Variants in CDH4 observed in about 807,000 individuals in gnomAD.
The protein encoded by CDH4 is cadherin-4.
A neutral mutation model predicts 86.0 loss-of-function variants in CDH4; 33 were observed. The observed-to-expected ratio is 0.38, with a 90% CI of 0.29 to 0.51. The LOEUF is 0.51. Ranked by LOEUF, CDH4 falls within the 20% of genes least tolerant of loss-of-function variation. The probability of loss-of-function intolerance (pLI) is 0.86; values close to 1 mark genes in which losing one functional copy is unlikely to be tolerated. For missense variants in CDH4, 1,114 were observed against 1,307.4 expected (o/e 0.85, Z 2.28); for synonymous variants, 555 against 549.4 (o/e 1.01, Z -0.14).
chr20:61,568,634 T>C (rs185938045), intron 2 of CDH4, among the ~76,000 whole-genome samples: 1 of 152,338 alleles, frequency 6.6e-6, no homozygotes, highest in East Asian at 1.9e-4. Context: ...TATGCTCCAG[T>C]CTTGGCGCCT....
At chr20:61,844,294 C>G (rs538533762) in intron 4 of CDH4, among the ~76,000 whole-genome samples, 4 of 152,194 alleles carry the variant, frequency 2.6e-5, no homozygotes, top group African/African-American at 9.6e-5. Context: ...AGTCTTTTCT[C>G]TCACTGTGGA....
At chr20:61,915,516 C>T (rs2054895050) in intron 9 of CDH4, among the ~76,000 whole-genome samples, 1 of 152,214 alleles carries the variant, frequency 6.6e-6, no homozygotes, top group Non-Finnish European at 1.5e-5. Flanking sequence ...CCCATGATGC[C>T]TCTCCCCAGC....
intron 2 of CDH4, among the ~76,000 whole-genome samples, chr20:61,583,769 T>C (rs2086449776): frequency 6.6e-6 from 1 of 152,252 alleles, no homozygotes; most frequent in African/African-American, 2.4e-5. Context: ...CCTGCCCACA[T>C]GTGTCTGCAC....
intron 3 of CDH4, among the ~76,000 whole-genome samples, chr20:61,765,710 G>A (rs2088690361): frequency 2.0e-5 from 3 of 152,136 alleles, no homozygotes; most frequent in Admixed American, 6.5e-5. Context: ...CAAGACCGGG[G>A]CCAGGAGTCA....
At chr20:61,363,253 CATTTGCTCAACAAAT>C (rs1183843967) in intron 2 of CDH4, among the ~76,000 whole-genome samples, 42 of 152,182 alleles carry the variant, frequency 2.8e-4, no homozygotes, top group Admixed American at 7.2e-4. Context: ...TTCATTTATC[CATTTGCTCAACAAAT>C]ATTTGCTCAA....
At chr20:61,882,064 G>T (rs997745296) in intron 7 of CDH4, among the ~76,000 whole-genome samples, 2 of 152,210 alleles carry the variant, frequency 1.3e-5, no homozygotes, top group African/African-American at 2.4e-5. Flanking sequence ...GCCCCTGGAT[G>T]GAGCCGGACC....
At chr20:61,732,370 G>A (rs982580200) in intron 2 of CDH4, among the ~76,000 whole-genome samples, 14 of 152,074 alleles carry the variant, frequency 9.2e-5, no homozygotes, top group Admixed American at 3.3e-4. Flanking sequence ...AGGTGACCGC[G>A]TGCCTTGGAA....
intron 2 of CDH4, among the ~76,000 whole-genome samples, chr20:61,316,061 G>A (rs2084474736): frequency 6.6e-6 from 1 of 152,128 alleles, no homozygotes. Context: ...GGAAGGATTT[G>A]GCAGCTTCCC....
intron 2 of CDH4, among the ~76,000 whole-genome samples, chr20:61,629,152 A>G (rs2086859405): frequency 6.6e-6 from 1 of 152,198 alleles, no homozygotes; most frequent in Non-Finnish European, 1.5e-5. Context: ...GAGAGCAGAG[A>G]GGGGCTGGGA....
chr20:61,475,856 A>G (rs1381976536), intron 2 of CDH4, among the ~76,000 whole-genome samples: 1 of 151,792 alleles, frequency 6.6e-6, no homozygotes, highest in African/African-American at 2.4e-5. Context: ...GTGTGTTTTT[A>G]TACTAATTCT....
chr20:61,569,597 A>G (rs1016257010), intron 2 of CDH4, among the ~76,000 whole-genome samples: 2 of 152,214 alleles, frequency 1.3e-5, no homozygotes, highest in African/African-American at 4.8e-5. Context: ...TTTAACTACA[A>G]TGCAATTACT....
chr20:61,338,182 A>C (rs1295937494), intron 2 of CDH4, among the ~76,000 whole-genome samples: 1 of 152,192 alleles, frequency 6.6e-6, no homozygotes. Flanking sequence ...TAGACAATGC[A>C]TAGCTTCATT....
chr20:61,629,727 C>G (rs745537012), intron 2 of CDH4, among the ~76,000 whole-genome samples: 5 of 152,186 alleles, frequency 3.3e-5, no homozygotes, highest in Admixed American at 6.5e-5. Flanking sequence ...CTGCCCTGTC[C>G]CTGCCAAAAA....
At chr20:61,273,444 T>G (rs2123143531) in intron 2 of CDH4, among the ~76,000 whole-genome samples, 1 of 64,974 alleles carries the variant, frequency 1.5e-5, no homozygotes, top group Non-Finnish European at 2.9e-5. Context: ...GAGGACCATG[T>G]GCAGTTTGGG....
At chr20:61,648,041 G>A (rs538007714) in intron 2 of CDH4, among the ~76,000 whole-genome samples, 2 of 152,294 alleles carry the variant, frequency 1.3e-5, no homozygotes, top group East Asian at 3.9e-4. Context: ...CCAATTAGGG[G>A]CACGACTCAC....
intron 2 of CDH4, among the ~76,000 whole-genome samples, chr20:61,622,168 G>A (rs967170990): frequency 6.6e-5 from 10 of 152,350 alleles, no homozygotes; most frequent in Admixed American, 3.9e-4. Flanking sequence ...GATGCTCCAC[G>A]TCTGTAACTG....
chr20:61,588,009 G>A (rs1179383960), intron 2 of CDH4, among the ~76,000 whole-genome samples: 2 of 152,100 alleles, frequency 1.3e-5, no homozygotes, highest in Admixed American at 6.5e-5. Flanking sequence ...TTTGTTTTCC[G>A]TGGCATTTTA....
At chr20:61,576,895 G>T (rs1179386693) in intron 2 of CDH4, among the ~76,000 whole-genome samples, 1 of 152,156 alleles carries the variant, frequency 6.6e-6, no homozygotes, top group East Asian at 1.9e-4. Context: ...GGGACTCTAG[G>T]GTCTTGGGAG....
rs1444380097 is a variant in CDH4, at chr20:61,383,337, T to G, written c.169+128400T>G. Among the ~76,000 whole-genome samples, 6 of 49,366 alleles carry G rather than the reference T, an allele frequency of 1.2e-4. 1 individual carries two copies. Among genetic ancestry groups the G allele is most frequent in the Admixed American group, 2.4e-4 (1 of 4,084 alleles). The allele number at this position is 49,366 out of a possible 152,430, so 32.4% of individuals were successfully genotyped here. On this transcript the variant is annotated intron_variant, in intron 2 of 15. Transcript: ENST00000614565. ...TATATGTGATATATATGAATATATG[T>G]GATATATATGAATATATATGGATAT...
Sources: gnomAD v4.1 joint callset for allele counts (sites outside exome capture counted in the v4.1 genomes callset) on GRCh38, gnomAD v4.1.1 for gene constraint, MANE v1.5 for transcripts, NCBI Gene and HGNC (gene_info 2026-07-23, HGNC 2026-07-21) for gene names.